The following XYLT1 variants were observed in gnomAD, a reference collection of about 807,000 sequenced individuals.
XYLT1 encodes xylosyltransferase 1.
In XYLT1, 36 loss-of-function variants were observed where a neutral mutation model predicts 91.3. That is an observed-to-expected ratio of 0.39 (90% CI 0.30 to 0.52). XYLT1 has a LOEUF of 0.52. Among genes scored for constraint, XYLT1 ranks in the 20% least tolerant of loss-of-function variants. XYLT1 has a pLI of 0.68. For synonymous variants in XYLT1, 588 were observed against 532.0 expected, an observed-to-expected ratio of 1.11 and a Z score of -1.45; for missense variants, 1,242 against 1,284.5, an observed-to-expected ratio of 0.97 and a Z score of 0.51.
At chr16:17,138,157 C>T in intron 8 of XYLT1, 198 bp downstream of exon 8, 1 of 577,102 alleles carries the variant, frequency 1.7e-6, no homozygotes, top group South Asian at 3.1e-5. Flanking sequence ...GTTAATGAGT[C>T]AATGTGGTTA....
intron 2 of XYLT1, among the ~76,000 whole-genome samples, chr16:17,350,109 C>T (rs187684920): frequency 1.7e-3 from 252 of 152,208 alleles, no homozygotes; most frequent in African/African-American, 5.4e-3. Context: ...CTCCTGACCT[C>T]GTGATCCGCC....
At chr16:17,425,022 T>C (rs896085389) in intron 1 of XYLT1, among the ~76,000 whole-genome samples, 1 of 152,176 alleles carries the variant, frequency 6.6e-6, no homozygotes, top group Non-Finnish European at 1.5e-5. Context: ...GCCTCCACCC[T>C]TGAACTTGGC....
Position 17,259,494 on chromosome 16 carries a change from C to T in XYLT1, c.407G>A (p.Gly136Asp). Reference sequence around the variant, plus strand: ...CTCTTTCGGCCGATGAGAAAAGTAGCCATCCTGGAGAAGAGGGGAGAGAAA... The same window carrying T: ...CTCTTTCGGCCGATGAGAAAAGTAGTCATCCTGGAGAAGAGGGGAGAGAAA... ...SPLITLETQD[G>D]YFSHRPKEKV... is the part of the protein sequence containing the mutation. Residue 136 changes from glycine to aspartate, a missense_variant, in exon 3 of 12, where the codon GGC becomes GAC. Transcript: ENST00000261381. 6.2e-7 allele frequency: 1 copy of T among 1,605,364 alleles called. No homozygotes were observed.
At chr16:17,390,469 A>G (rs1257120375) in intron 1 of XYLT1, among the ~76,000 whole-genome samples, 1 of 152,206 alleles carries the variant, frequency 6.6e-6, no homozygotes, top group Non-Finnish European at 1.5e-5. Context: ...TGGCCAACAC[A>G]TCTCCAATTC....
chr16:17,206,401 A>G (rs2032645024), intron 3 of XYLT1, among the ~76,000 whole-genome samples: 1 of 152,006 alleles, frequency 6.6e-6, no homozygotes, highest in Admixed American at 6.6e-5. Flanking sequence ...ATGGGTTTAG[A>G]AAAGGCGGTG....
intron 2 of XYLT1, among the ~76,000 whole-genome samples, chr16:17,267,430 C>T (rs1262889090): frequency 6.6e-6 from 1 of 152,242 alleles, no homozygotes; most frequent in African/African-American, 2.4e-5. Flanking sequence ...TTGTTTGAGA[C>T]GGAGTCTCGC....
At chr16:17,382,498 C>A (rs913747495) in intron 1 of XYLT1, among the ~76,000 whole-genome samples, 2 of 151,890 alleles carry the variant, frequency 1.3e-5, no homozygotes, top group Non-Finnish European at 2.9e-5. Context: ...GGACCCCACA[C>A]AGAGTGGATT....
intron 2 of XYLT1, among the ~76,000 whole-genome samples, chr16:17,331,716 T>C (rs1044841938): frequency 3.3e-5 from 5 of 152,172 alleles, no homozygotes; most frequent in African/African-American, 9.7e-5. Flanking sequence ...GAATGACTTA[T>C]CTCAGATTGA....
chr16:17,463,616 T>C (rs1279103134), intron 1 of XYLT1, among the ~76,000 whole-genome samples: 1 of 152,208 alleles, frequency 6.6e-6, no homozygotes, highest in African/African-American at 2.4e-5. Flanking sequence ...TCATACACTG[T>C]TGGTGGGAAT....
chr16:17,117,772 G>C lies in XYLT1; in HGVS notation c.2431C>G (p.Pro811Ala). The C allele has an allele frequency of 6.2e-7, 1 of 1,614,214 alleles. No individual in the cohort carries two copies. The highest frequency in any genetic ancestry group is 8.5e-7 in the Non-Finnish European group (1 of 1,180,036). Reference sequence around the variant, plus strand: ...CCAGGCCTCAGGGGCAAGTTCAAAGGGGGCTTGTAGTGTGTGAATTCGGCA... The same window carrying C: ...CCAGGCCTCAGGGGCAAGTTCAAAGCGGGCTTGTAGTGTGTGAATTCGGCA... Reference protein sequence around the residue: ...STAEFTHYKPPLNLPLRPGVW... With the variant: ...STAEFTHYKPALNLPLRPGVW... Residue 811 changes from proline (P) to alanine (A), a missense_variant, in exon 11 of 12, where the codon CCT becomes GCT. Coordinates refer to ENST00000261381, the MANE Select transcript of XYLT1 (RefSeq NM_022166.4).
intron 1 of XYLT1, 37 bp downstream of exon 1, chr16:17,470,397 C>G (rs1264939188): frequency 8.2e-7 from 1 of 1,222,204 alleles, no homozygotes; most frequent in Non-Finnish European, 1.0e-6. Context: ...CTTCCTCCCT[C>G]CCTCGCCGCG....
At chr16:17,284,570 C>G (rs2034106782) in intron 2 of XYLT1, among the ~76,000 whole-genome samples, 1 of 152,186 alleles carries the variant, frequency 6.6e-6, no homozygotes, top group South Asian at 2.1e-4. Flanking sequence ...TAAGATGGAG[C>G]TTCTCCAAAC....
chr16:17,151,968 G>T (rs1316901003), intron 6 of XYLT1, among the ~76,000 whole-genome samples: 1 of 152,192 alleles, frequency 6.6e-6, no homozygotes, highest in Non-Finnish European at 1.5e-5. Context: ...TCTTCACAGG[G>T]CTCACGTCAC....
intron 2 of XYLT1, among the ~76,000 whole-genome samples, chr16:17,283,213 T>C (rs1164852847): frequency 7.2e-5 from 11 of 152,204 alleles, no homozygotes; most frequent in East Asian, 1.9e-4. Context: ...CGGGAGCAGA[T>C]GGAGCCCAGG....
chr16:17,256,794 G>A (rs2033639872), intron 3 of XYLT1, among the ~76,000 whole-genome samples: 1 of 152,346 alleles, frequency 6.6e-6, no homozygotes, highest in South Asian at 2.1e-4. Context: ...CTTCTCAGGA[G>A]GACACCAGGC....
chr16:17,313,659 TTCATTAGAGGGGAAA>T lies in XYLT1; in HGVS notation c.402+44338_402+44352del, dbSNP rs1366859818. Among the ~76,000 whole-genome samples the T allele has an allele frequency of 2.0e-5, 3 of 151,490 alleles. No individual in the cohort carries two copies. In the East Asian group the frequency reaches 5.8e-4, roughly 29 times the overall value. ...TAACTTAGGCAAGAAAAGGTTTCCT[TTCATTAGAGGGGAAA>T]ACATCCAAACCATTAAAAAAAAAAA... On this transcript the variant is annotated intron_variant, in intron 2 of 11. Coordinates refer to ENST00000261381, the MANE Select transcript of XYLT1 (RefSeq NM_022166.4).
At chr16:17,402,138 A>C (rs1004117300) in intron 1 of XYLT1, among the ~76,000 whole-genome samples, 6 of 82,360 alleles carry the variant, frequency 7.3e-5, no homozygotes, top group Non-Finnish European at 1.4e-4. Context: ...GTTTCTACAA[A>C]AAAAAAAAAC....
chr16:17,401,705 GTTATTATTA>G (rs536472449), intron 1 of XYLT1, among the ~76,000 whole-genome samples: 1 of 150,202 alleles, frequency 6.7e-6, no homozygotes, highest in South Asian at 2.1e-4. Flanking sequence ...AGTGGCTATG[GTTATTATTA>G]TTATTATTAT....
At chr16:17,144,848 C>A (rs964971273) in intron 6 of XYLT1, among the ~76,000 whole-genome samples, 1 of 152,204 alleles carries the variant, frequency 6.6e-6, no homozygotes, top group Non-Finnish European at 1.5e-5. Flanking sequence ...AGGCTCCATG[C>A]AGACTGGAGG....
Sources: gnomAD v4.1 joint callset for allele counts (sites outside exome capture counted in the v4.1 genomes callset) on GRCh38, gnomAD v4.1.1 for gene constraint, MANE v1.5 for transcripts, NCBI Gene and HGNC (gene_info 2026-07-23, HGNC 2026-07-21) for gene names.